PGAP4: variants seen among roughly 807,000 people sequenced by gnomAD.
The protein encoded by PGAP4 is GPI-N-acetylgalactosamine transferase PGAP4.
In PGAP4, 12 loss-of-function variants were observed where a neutral mutation model predicts 28.2. The observed-to-expected ratio is 0.42, with a 90% confidence interval of 0.27 to 0.69. The LOEUF is 0.69. PGAP4 is among the 30% of genes least tolerant of loss of function. PGAP4 has a pLI of 0.22. For synonymous variants in PGAP4, 205 were observed against 211.8 expected, an observed-to-expected ratio of 0.97 and a Z score of 0.28; for missense variants, 425 against 513.5, an observed-to-expected ratio of 0.83 and a Z score of 1.67.
intron 2 of PGAP4, among the ~76,000 whole-genome samples, chr9:101,496,799 A>G (rs927778336): frequency 6.6e-6 from 1 of 150,768 alleles, no homozygotes; most frequent in East Asian, 2.0e-4. Context: ...CCAAGAATAC[A>G]TTTTTATAGC....
At chr9:101,499,863 T>C (rs895167840) in intron 2 of PGAP4, among the ~76,000 whole-genome samples, 10 of 152,100 alleles carry the variant, frequency 6.6e-5, no homozygotes, top group Non-Finnish European at 1.0e-4. Context: ...GCAGACGCAA[T>C]GTTCCTTTAT....
chr9:101,495,494 G>T (rs1826738736), intron 2 of PGAP4, among the ~76,000 whole-genome samples: 1 of 109,054 alleles, frequency 9.2e-6, no homozygotes. Context: ...GGCTTTCTGT[G>T]GCTCAACTGG....
At chr9:101,496,305 A>G (rs1826747330) in intron 2 of PGAP4, among the ~76,000 whole-genome samples, 2 of 151,574 alleles carry the variant, frequency 1.3e-5, no homozygotes, top group Admixed American at 6.6e-5. Flanking sequence ...TTTTAAGGGG[A>G]GAAAGAACAG....
chr9:101,487,279 C>G (rs747472092), upstream of PGAP4: 1 of 152,274 alleles, frequency 6.6e-6, no homozygotes, highest in Non-Finnish European at 1.5e-5. Context: ...AAACAGGAAG[C>G]CTGTTTCTTT....
At chr9:101,490,102 C>T (rs1826672763), upstream of PGAP4, among the ~76,000 whole-genome samples, 1 of 152,164 alleles carries the variant, frequency 6.6e-6, no homozygotes, top group African/African-American at 2.4e-5. Flanking sequence ...CCCTTTCTGC[C>T]AGCACTTCAC....
intron 1 of PGAP4, chr9:101,481,496 GTTC>G (rs1341824839): frequency 6.6e-6 from 1 of 152,216 alleles, no homozygotes; most frequent in Non-Finnish European, 1.5e-5. Context: ...TACATATCCA[GTTC>G]TTATCTATGC....
intron 2 of PGAP4, among the ~76,000 whole-genome samples, chr9:101,510,209 T>C (rs1826884047): frequency 6.6e-6 from 1 of 152,176 alleles, no homozygotes; most frequent in South Asian, 2.1e-4. Flanking sequence ...TGAACTGCAG[T>C]CTGTCCTAAA....
intron 2 of PGAP4, among the ~76,000 whole-genome samples, chr9:101,493,863 T>C (rs913878035): frequency 1.3e-5 from 2 of 152,102 alleles, no homozygotes; most frequent in African/African-American, 4.8e-5. Flanking sequence ...TGGAGAGTTG[T>C]AGCCAAATAT....
At chr9:101,528,064 C>T (rs1564103381) in intron 2 of PGAP4, among the ~76,000 whole-genome samples, 1 of 152,126 alleles carries the variant, frequency 6.6e-6, no homozygotes, top group Non-Finnish European at 1.5e-5. Context: ...AGCACAATTA[C>T]CCAGGGTCAG....
chr9:101,476,904 T>C lies in PGAP4; in HGVS notation c.189A>G (p.Gln63=), dbSNP rs1826335938. ...LRHWHLNQMS[Q]EFLQQSLKEG... ...CTTTCAAGCTTTGCTGCAGGAACTC[T>C]TGGCTCATTTGGTTCAGATGCCAAT... The change falls in exon 2 of 2, where the codon CAA becomes CAG. Residue 63 remains glutamine (Q), a synonymous_variant. Coordinates refer to ENST00000374848, the MANE Select transcript of PGAP4 (RefSeq NM_032342.3). This position sits in a 1 kb window ranked among gnomAD's most constrained non-coding sequence, Gnocchi z 7.0. The C allele has an allele frequency of 3.1e-6, 5 of 1,613,848 alleles. No homozygotes were observed. The highest frequency in any genetic ancestry group is 4.2e-6 in the Non-Finnish European group (5 of 1,179,924).
intron 2 of PGAP4, among the ~76,000 whole-genome samples, chr9:101,521,814 T>C (rs1009419426): frequency 6.6e-6 from 1 of 152,178 alleles, no homozygotes; most frequent in Non-Finnish European, 1.5e-5. Context: ...GAGTGTCTGT[T>C]TGCACTCTTT....
intron 2 of PGAP4, among the ~76,000 whole-genome samples, chr9:101,500,258 T>C (rs1826785331): frequency 6.6e-6 from 1 of 152,110 alleles, no homozygotes; most frequent in Non-Finnish European, 1.5e-5. Flanking sequence ...AGTCATGGTG[T>C]CAACAGAGCT....
In PGAP4 at chr9:101,514,771, G is replaced by A. The variant is rs578072698; in HGVS notation, c.-165+16577C>T. ...CTCTCTCATCCTACCCACTCAACTA[G>A]GTTTGAGTCACTGATCAGAGCCAAA... On this transcript the variant is annotated intron_variant, in intron 2 of 3. Coordinates refer to the PGAP4 transcript ENST00000374851. Among the ~76,000 whole-genome samples the A allele has an allele frequency of 3.3e-5, 5 of 152,204 alleles. No individual in the cohort carries two copies. In the East Asian group the frequency reaches 7.7e-4, roughly 24 times the overall value.
At chr9:101,494,918 C>T (rs936419245) in intron 2 of PGAP4, among the ~76,000 whole-genome samples, 2 of 150,030 alleles carry the variant, frequency 1.3e-5, no homozygotes, top group East Asian at 2.0e-4. Context: ...CAATTAGTTA[C>T]CTGAATAGCA....
chr9:101,493,485 G>C (rs907586197), intron 2 of PGAP4, among the ~76,000 whole-genome samples: 1 of 152,074 alleles, frequency 6.6e-6, no homozygotes, highest in African/African-American at 2.4e-5. Context: ...CCATGAATAT[G>C]TAAAATATTT....
rs567411181 is a variant in PGAP4 at position 101,520,337 on chromosome 9, C to T, written c.-165+11011G>A. The stretch of plus-strand genomic sequence containing the variant: ...ACTTTCACAATATTGATTCTATCCA[C>T]ATGAGCATAGGATGTGTTTCCATTT... On this transcript the variant is annotated intron_variant, in intron 2 of 3. Coordinates refer to the PGAP4 transcript ENST00000374851. Among the ~76,000 whole-genome samples the T allele has an allele frequency of 6.4e-4, 98 of 152,310 alleles. 2 individuals carry two copies. The East Asian group carries it at 0.018, about 28-fold the overall frequency.
intron 2 of PGAP4, among the ~76,000 whole-genome samples, chr9:101,519,171 G>A (rs1826964741): frequency 6.6e-6 from 1 of 151,122 alleles, no homozygotes; most frequent in East Asian, 2.0e-4. Context: ...GTTTTGTTTT[G>A]TTTTTAGATG....
At position 101,504,883 on chromosome 9, in the gene PGAP4, T is replaced by A. The variant is rs572881108; in HGVS notation, c.-164-15683A>T. ...CACAACTTGGCTGGTGGGCATTGGG[T>A]TGGGCACCAAAAAGCTGCCAGTGGA... is the stretch of plus-strand genomic sequence containing the variant. On this transcript the variant is annotated intron_variant, in intron 2 of 3. Transcript: ENST00000374851. Among the ~76,000 whole-genome samples the A allele has an allele frequency of 3.9e-5, 6 of 152,132 alleles. No individual in the cohort carries two copies. In the East Asian group the frequency reaches 9.7e-4, roughly 25 times the overall value.
At chr9:101,504,392 A>G (rs530724094) in intron 2 of PGAP4, among the ~76,000 whole-genome samples, 2 of 151,736 alleles carry the variant, frequency 1.3e-5, no homozygotes, top group East Asian at 3.9e-4. Flanking sequence ...AGCCAATTAC[A>G]TCTTTAAATT....
Sources: gnomAD v4.1 joint callset for allele counts (sites outside exome capture counted in the v4.1 genomes callset) on GRCh38, gnomAD v4.1.1 for gene constraint, Gnocchi (gnomAD v3.1) non-coding constraint, MANE v1.5 for transcripts, NCBI Gene and HGNC (gene_info 2026-07-23, HGNC 2026-07-21) for gene names.